The following TRUB1 variants were observed in gnomAD, a reference collection of about 807,000 sequenced individuals.
TRUB1 encodes TruB pseudouridine synthase family member 1, also known as pseudouridylate synthase TRUB1.
TRUB1 carries 23 observed loss-of-function variants against 33.9 expected under a neutral mutation model. The observed-to-expected ratio is 0.68, with a 90% CI of 0.49 to 0.96. TRUB1 has a LOEUF of 0.96. Among genes scored for constraint, TRUB1 ranks in the 40% least tolerant of loss-of-function variants. The pLI is 0.00. For missense variants in TRUB1, 378 were observed against 422.2 expected, an observed-to-expected ratio of 0.90 and a Z score of 0.92; for synonymous variants, 163 against 165.4, an observed-to-expected ratio of 0.99 and a Z score of 0.11.
chr10:114,954,965 T>C (rs1408620464), intron 3 of TRUB1, among the ~76,000 whole-genome samples: 4 of 152,042 alleles, frequency 2.6e-5, no homozygotes, highest in Non-Finnish European at 4.4e-5. Context: ...AATATTGCAC[T>C]CATCAGAAAG....
intron 4 of TRUB1, among the ~76,000 whole-genome samples, chr10:114,963,159 A>G (rs1407042930): frequency 6.6e-6 from 1 of 152,226 alleles, no homozygotes; most frequent in Non-Finnish European, 1.5e-5. Context: ...CAACAAAGGT[A>G]GAAAGAAAAG....
intron 5 of TRUB1, among the ~76,000 whole-genome samples, chr10:114,971,351 G>GA (rs1047715696): frequency 4.6e-5 from 7 of 151,830 alleles, no homozygotes; most frequent in African/African-American, 1.5e-4. Context: ...TGCCTCTTTT[G>GA]AAAAAAATGG....
At chr10:114,952,291 A>G (rs1201741810) in intron 3 of TRUB1, among the ~76,000 whole-genome samples, 1 of 152,224 alleles carries the variant, frequency 6.6e-6, no homozygotes, top group Non-Finnish European at 1.5e-5. Flanking sequence ...TACCAAAAAA[A>G]GTATCCAGGC....
At chr10:114,960,414 A>C (rs2143021994) in intron 4 of TRUB1, among the ~76,000 whole-genome samples, 1 of 152,304 alleles carries the variant, frequency 6.6e-6, no homozygotes, top group Non-Finnish European at 1.5e-5. Flanking sequence ...TTTATAATGC[A>C]GCAATTGCAG....
intron 2 of TRUB1, among the ~76,000 whole-genome samples, chr10:114,949,380 A>G (rs1165465980): frequency 6.6e-6 from 1 of 152,204 alleles, no homozygotes; most frequent in African/African-American, 2.4e-5. Context: ...TATGCTCTTC[A>G]GAGGATTACT....
Position 114,975,271 on chromosome 10 carries a change from G to A in TRUB1, c.942G>A (p.Glu314=), listed in dbSNP as rs962257189. The A allele has an allele frequency of 3.7e-6, 6 of 1,613,438 alleles. No individual in the cohort carries two copies. In the African/African-American group the frequency reaches 5.3e-5, roughly 14 times the overall value. ...ATTGCTCATCTCTTTTCCCAGCAGA[G>A]TTGGCACTTAAAAAATCAAAACCTG... ...LEHCSSLFPA[E]LALKKSKPES... The change falls in exon 8 of 8, where the codon GAG becomes GAA. Residue 314 remains glutamate (E), a synonymous_variant. Coordinates refer to ENST00000298746, the MANE Select transcript of TRUB1 (RefSeq NM_139169.5).
intron 3 of TRUB1, among the ~76,000 whole-genome samples, chr10:114,959,035 G>T (rs943295891): frequency 6.6e-6 from 1 of 152,106 alleles, no homozygotes; most frequent in Non-Finnish European, 1.5e-5. Flanking sequence ...ACTCCACAGG[G>T]TGAGGCAGGA....
At chr10:114,949,901 T>G (rs1474796494) in intron 2 of TRUB1, among the ~76,000 whole-genome samples, 1 of 150,418 alleles carries the variant, frequency 6.6e-6, no homozygotes, top group Non-Finnish European at 1.5e-5. Flanking sequence ...TTAAAGTTTT[T>G]TTTTTTTTTT....
intron 2 of TRUB1, 68 bp from the exon 3 acceptor site, chr10:114,951,026 A>T (rs2084232765): frequency 2.1e-6 from 3 of 1,403,142 alleles, no homozygotes; most frequent in Middle Eastern, 1.8e-4. Flanking sequence ...ATGACCAAAA[A>T]ATATAGCTAT....
At chr10:114,956,491 G>T (rs901413070) in intron 3 of TRUB1, among the ~76,000 whole-genome samples, 1 of 152,068 alleles carries the variant, frequency 6.6e-6, no homozygotes, top group African/African-American at 2.4e-5. Flanking sequence ...TTAACTGTGT[G>T]GGTGAATTTT....
chr10:114,972,871 T>C (rs555921283), intron 6 of TRUB1, among the ~76,000 whole-genome samples: 205 of 152,272 alleles, frequency 1.3e-3, no homozygotes, highest in African/African-American at 4.6e-3. Context: ...ATATTTGAAA[T>C]GTAAAGACTA....
In TRUB1 at chr10:114,967,540, T is replaced by A. The variant is rs561537731; in HGVS notation, c.524-2828T>A. ...ATGATGTATAACATGATCTTGTATA[T>A]ATTCATTTTATGAAAATGATTTTAA... On this transcript the variant is annotated intron_variant, in intron 4 of 7. Transcript: ENST00000298746. Among the ~76,000 whole-genome samples the A allele has an allele frequency of 2.7e-4, 41 of 152,334 alleles. 2 individuals are homozygous for A. In the South Asian group the frequency reaches 8.1e-3, roughly 30 times the overall value.
At position 114,976,970 on chromosome 10, in the gene TRUB1, C is replaced by G. The variant is rs534795507; in HGVS notation, c.*1591C>G. 6.6e-6 allele frequency: 1 copy of G among 152,226 alleles called. No individual in the cohort carries two copies. The highest frequency in any genetic ancestry group is 2.1e-4 in the South Asian group (1 of 4,830). 9.4% of individuals were successfully genotyped at this position (152,226 alleles called of 1,614,324 possible). ...GCTACATCTGCCTGTTGGACTGGTA[C>G]AGGTTACAATATGTCCTCTTCCATT... On this transcript the variant is annotated 3_prime_UTR_variant, in exon 8 of 8. Transcript: ENST00000298746.
intron 2 of TRUB1, among the ~76,000 whole-genome samples, chr10:114,948,592 A>G (rs2084221060): frequency 1.3e-5 from 2 of 152,344 alleles, no homozygotes; most frequent in South Asian, 4.1e-4. Context: ...TCCCAACTCC[A>G]GATAATTTTT....
intron 1 of TRUB1, 144 bp downstream of exon 1, chr10:114,938,683 C>T (rs1311544576): frequency 2.1e-6 from 2 of 948,318 alleles, no homozygotes; most frequent in African/African-American, 3.4e-5. Context: ...ACAGGAATCT[C>T]GGGCATCTCG....
intron 4 of TRUB1, among the ~76,000 whole-genome samples, chr10:114,964,231 A>T (rs368628931): frequency 6.6e-6 from 1 of 151,978 alleles, no homozygotes; most frequent in Admixed American, 6.6e-5. Context: ...TTGATTATTG[A>T]TGAGATTTGG....
intron 4 of TRUB1, 131 bp from the exon 5 acceptor site, chr10:114,970,237 C>T: frequency 1.8e-6 from 1 of 561,134 alleles, no homozygotes; most frequent in East Asian, 2.8e-5. Flanking sequence ...AGAATTTTGG[C>T]TATAAAACAT....
At chr10:114,963,036 G>A (rs890450444) in intron 4 of TRUB1, among the ~76,000 whole-genome samples, 3 of 152,118 alleles carry the variant, frequency 2.0e-5, no homozygotes, top group Admixed American at 6.5e-5. Context: ...TCTGTTCTCC[G>A]CTGAGCTAAG....
Position 114,938,338 on chromosome 10 carries a change from G to A in TRUB1, c.85G>A (p.Ala29Thr). 6.2e-7 allele frequency: 1 copy of A among 1,611,044 alleles called. No homozygotes were observed. The highest frequency in any genetic ancestry group is 1.3e-5 in the African/African-American group (1 of 74,940). ...TGTCCTTGAAACTGCAGGAACGGTC[G>A]CAGCAATGGCTGCGACCCCGTCAGC... ...SPVLETAGTV[A>T]AMAATPSARA... Residue 29 changes from alanine (A) to threonine (T), a missense_variant, in exon 1 of 8, where the codon GCA (alanine) becomes ACA (threonine). Physicochemically the swap from Ala to Thr is moderately conservative, Grantham distance 58 (BLOSUM62 0). Coordinates refer to ENST00000298746, the MANE Select transcript of TRUB1 (RefSeq NM_139169.5).
Sources: gnomAD v4.1 joint callset for allele counts (sites outside exome capture counted in the v4.1 genomes callset) on GRCh38, gnomAD v4.1.1 for gene constraint, MANE v1.5 for transcripts, NCBI Gene and HGNC (gene_info 2026-07-23, HGNC 2026-07-21) for gene names.